Variants in LRRC4C observed in about 807,000 individuals in gnomAD.
LRRC4C encodes leucine-rich repeat-containing protein 4C.
LRRC4C carries 5 observed loss-of-function variants against 33.6 expected under a neutral mutation model. The ratio of observed to expected loss-of-function variants is 0.15; its 90% CI spans 0.08 to 0.31. The LOEUF is 0.31. Among genes scored for constraint, LRRC4C ranks in the 10% least tolerant of loss-of-function variants. LRRC4C has a pLI of 1.00. For synonymous variants in LRRC4C, 329 were observed against 302.0 expected (o/e 1.09, Z -0.93); for missense variants, 560 against 796.7 (o/e 0.70, Z 3.58).
chr11:40,162,805 T>C (rs537939424), intron 5 of LRRC4C, among the ~76,000 whole-genome samples: 2 of 152,304 alleles, frequency 1.3e-5, no homozygotes, highest in East Asian at 1.9e-4. Context: ...CAAAGCCAAG[T>C]TTCTTATTCA....
rs566251114 is a variant in LRRC4C at position 41,394,830 on chromosome 11, A to C, written c.-496+64601T>G. On this transcript the variant is annotated intron_variant, in intron 1 of 6. Transcript: ENST00000528697. ...CATTCACATAAATGTTTTGCACAAG[A>C]GGAAGGAAACATTCAAATGGTAAGT... 7 of 152,134 alleles carry C rather than the reference A, an allele frequency of 4.6e-5. No homozygotes were observed. The East Asian group carries it at 1.4e-3, about 30-fold the overall frequency. 9.4% of individuals were successfully genotyped at this position (152,134 alleles called of 1,614,324 possible).
At chr11:40,526,328 T>C (rs933244037) in intron 3 of LRRC4C, among the ~76,000 whole-genome samples, 5 of 152,104 alleles carry the variant, frequency 3.3e-5, no homozygotes, top group Non-Finnish European at 5.9e-5. Context: ...AAAATACATA[T>C]TTTAACAAAT....
At chr11:41,308,387 C>T (rs944216349) in intron 1 of LRRC4C, among the ~76,000 whole-genome samples, 1 of 152,060 alleles carries the variant, frequency 6.6e-6, no homozygotes, top group Non-Finnish European at 1.5e-5. Context: ...CTAAGCAGCT[C>T]AAAACCGGCA....
At chr11:41,294,553 T>C (rs571545307) in intron 1 of LRRC4C, among the ~76,000 whole-genome samples, 1 of 152,318 alleles carries the variant, frequency 6.6e-6, no homozygotes, top group African/African-American at 2.4e-5. Flanking sequence ...GTAGAATATA[T>C]TTTATTTATG....
chr11:40,498,851 A>C lies in LRRC4C; in HGVS notation c.-270+149291T>G, dbSNP rs551777778. Among the ~76,000 whole-genome samples, 6 of 152,302 alleles carry C rather than the reference A, an allele frequency of 3.9e-5. No individual in the cohort carries two copies. The East Asian group carries it at 9.7e-4, about 25-fold the overall frequency. ...GGAACATTTTTACTGGACTAAGTGGAATTTACTGGAAAAATAGGCTTTAAA... is the reference window on the plus strand; with the variant it reads ...GGAACATTTTTACTGGACTAAGTGGCATTTACTGGAAAAATAGGCTTTAAA... On this transcript the variant is annotated intron_variant, in intron 3 of 6. Transcript: ENST00000528697.
intron 1 of LRRC4C, among the ~76,000 whole-genome samples, chr11:41,366,328 T>C (rs1420803310): frequency 1.3e-5 from 2 of 152,118 alleles, no homozygotes; most frequent in Non-Finnish European, 2.9e-5. Flanking sequence ...GGTTATCAAC[T>C]GATATTAATT....
chr11:40,784,676 T>A (rs999544591), intron 2 of LRRC4C, among the ~76,000 whole-genome samples: 1 of 152,218 alleles, frequency 6.6e-6, no homozygotes, highest in African/African-American at 2.4e-5. Flanking sequence ...TAAAGTGAAT[T>A]AATTTGAAAG....
chr11:40,655,615 G>A lies in LRRC4C; in HGVS notation c.-406-7337C>T, dbSNP rs74821435. Among the ~76,000 whole-genome samples the A allele has an allele frequency of 4.2e-3, 638 of 152,168 alleles. 7 individuals carry two copies. The highest frequency in any genetic ancestry group is 7.3e-3 in the Non-Finnish European group (495 of 68,010). On this transcript the variant is annotated intron_variant, in intron 2 of 6. Coordinates refer to ENST00000528697, the MANE Select transcript of LRRC4C (RefSeq NM_001258419.2). Reference sequence around the variant, plus strand: ...GACCTCTACAGAAACCCACTGTCCTGGACAGCTTTGCACTTTGCTCACAAA... The same window carrying A: ...GACCTCTACAGAAACCCACTGTCCTAGACAGCTTTGCACTTTGCTCACAAA...
chr11:40,513,628 C>T (rs1447354134), intron 3 of LRRC4C, among the ~76,000 whole-genome samples: 1 of 152,106 alleles, frequency 6.6e-6, no homozygotes, highest in African/African-American at 2.4e-5. Context: ...TTTGAAAAGA[C>T]CTCTCTGATG....
At chr11:40,755,646 C>T (rs1303419402) in intron 2 of LRRC4C, among the ~76,000 whole-genome samples, 1 of 151,912 alleles carries the variant, frequency 6.6e-6, no homozygotes, top group African/African-American at 2.4e-5. Flanking sequence ...AGGATAGAGG[C>T]CAGGAGTGCT....
intron 2 of LRRC4C, among the ~76,000 whole-genome samples, chr11:40,818,655 A>G (rs2135444844): frequency 6.6e-6 from 1 of 152,174 alleles, no homozygotes; most frequent in South Asian, 2.1e-4. Context: ...CCAATATTCT[A>G]TGCCTTCTCT....
intron 1 of LRRC4C, among the ~76,000 whole-genome samples, chr11:41,031,471 A>G (rs1323966411): frequency 6.6e-6 from 1 of 152,002 alleles, no homozygotes; most frequent in African/African-American, 2.4e-5. Context: ...GACATTTTAG[A>G]GATTATAATT....
At chr11:41,228,307 T>C (rs1416644619) in intron 1 of LRRC4C, among the ~76,000 whole-genome samples, 2 of 152,100 alleles carry the variant, frequency 1.3e-5, no homozygotes, top group South Asian at 2.1e-4. Context: ...AGACAATCTA[T>C]AGATTCTAAT....
At chr11:41,430,889 A>G (rs1049698931) in intron 1 of LRRC4C, among the ~76,000 whole-genome samples, 1 of 151,936 alleles carries the variant, frequency 6.6e-6, no homozygotes, top group African/African-American at 2.4e-5. Flanking sequence ...TACCACTATA[A>G]TATATGGAAT....
intron 4 of LRRC4C, among the ~76,000 whole-genome samples, chr11:40,255,919 T>C (rs935895471): frequency 1.3e-5 from 2 of 152,248 alleles, no homozygotes; most frequent in African/African-American, 2.4e-5. Flanking sequence ...ATCATTGATA[T>C]ACCAACTCAT....
chr11:40,994,960 T>C (rs1853859904), intron 1 of LRRC4C, among the ~76,000 whole-genome samples: 1 of 152,092 alleles, frequency 6.6e-6, no homozygotes, highest in African/African-American at 2.4e-5. Flanking sequence ...TGTGACTTCT[T>C]TACACAGACA....
chr11:40,825,519 A>G (rs1952123247), intron 2 of LRRC4C, among the ~76,000 whole-genome samples: 1 of 151,946 alleles, frequency 6.6e-6, no homozygotes, highest in African/African-American at 2.4e-5. Context: ...CAAGGACTCA[A>G]TCATACACTG....
intron 3 of LRRC4C, among the ~76,000 whole-genome samples, chr11:40,509,476 TG>T (rs1374304994): frequency 6.6e-6 from 1 of 152,042 alleles, no homozygotes; most frequent in African/African-American, 2.4e-5. Flanking sequence ...TACTGTATGC[TG>T]GTTTTTAAAA....
intron 3 of LRRC4C, among the ~76,000 whole-genome samples, chr11:40,332,648 CCT>C (rs767859166): frequency 6.6e-4 from 100 of 152,118 alleles, no homozygotes; most frequent in Non-Finnish European, 8.4e-4. Context: ...ACTTTCATTC[CCT>C]GTGTCTTATT....
Sources: gnomAD v4.1 joint callset for allele counts (sites outside exome capture counted in the v4.1 genomes callset) on GRCh38, gnomAD v4.1.1 for gene constraint, MANE v1.5 for transcripts, NCBI Gene and HGNC (gene_info 2026-07-23, HGNC 2026-07-21) for gene names.